The following ATP6V0A1 variants were observed in gnomAD, a reference collection of about 807,000 sequenced individuals.
ATP6V0A1 encodes the protein V-type proton ATPase 116 kDa subunit a 1.
Under a neutral mutation model 105.4 loss-of-function variants are expected in ATP6V0A1, and 43 were observed. That is an observed-to-expected ratio of 0.41 (90% CI 0.32 to 0.53). ATP6V0A1 has a LOEUF of 0.53. Ranked by LOEUF, ATP6V0A1 falls within the 20% of genes least tolerant of loss-of-function variation. The pLI, the probability that ATP6V0A1 is intolerant of heterozygous loss-of-function variation, is 0.30. For synonymous variants in ATP6V0A1, 362 were observed against 372.8 expected, an observed-to-expected ratio of 0.97 and a Z score of 0.33; for missense variants, 676 against 1,051.1, an observed-to-expected ratio of 0.64 and a Z score of 4.93.
At chr17:42,511,801 C>T (rs2092358764) in intron 19 of ATP6V0A1, among the ~76,000 whole-genome samples, 1 of 151,886 alleles carries the variant, frequency 6.6e-6, no homozygotes, top group African/African-American at 2.4e-5. Context: ...GAAATCCCAT[C>T]TTTACTAAAA....
intron 9 of ATP6V0A1, among the ~76,000 whole-genome samples, chr17:42,485,444 C>T (rs148028296): frequency 1.2e-4 from 18 of 152,238 alleles, no homozygotes; most frequent in African/African-American, 3.9e-4. Context: ...GATTGAATAC[C>T]AAGGAATGGG....
In ATP6V0A1 at chr17:42,508,574, T is replaced by C; in HGVS notation, c.2115T>C (p.Pro705=). The C allele has an allele frequency of 6.2e-7, 1 of 1,614,020 alleles. No homozygotes were observed. Among genetic ancestry groups the C allele is most frequent in the South Asian group, 1.1e-5 (1 of 91,084 alleles). Residue 705 remains proline (P), a splice_region_variant and synonymous_variant, in exon 19 of 22, where the codon CCT becomes CCC. Coordinates refer to ENST00000343619, the MANE Select transcript of ATP6V0A1 (RefSeq NM_001130021.3). Reference sequence around the variant, plus strand: ...AAGTGTAAATTTGTGTTTTCAAGCCTTCCGAGGACGAAGTGGTAAGATGAA... The same window carrying C: ...AAGTGTAAATTTGTGTTTTCAAGCCCTCCGAGGACGAAGTGGTAAGATGAA... The part of the protein sequence containing the change: ...LSTHSEDADE[P]SEDEVFDFGD...
chr17:42,490,584 T>C lies in ATP6V0A1; in HGVS notation c.1121T>C (p.Phe374Ser). The C allele has an allele frequency of 6.2e-7, 1 of 1,613,542 alleles. No individual in the cohort carries two copies. Among genetic ancestry groups the C allele is most frequent in the Non-Finnish European group, 8.5e-7 (1 of 1,179,804 alleles). The change falls in exon 11 of 22, where the codon TTT becomes TCT. Residue 374 changes from phenylalanine to serine, a missense_variant. Coordinates refer to ENST00000343619, the MANE Select transcript of ATP6V0A1 (RefSeq NM_001130021.3). ...YNKTNKFTYGFQNIVDAYGIG... is the reference protein window; with the variant it reads ...YNKTNKFTYGSQNIVDAYGIG... ...AAAACCAACAAGTTTACCTATGGCTTTCAGAACATAGTAGATGCTTATGGA... is the reference window on the plus strand; with the variant it reads ...AAAACCAACAAGTTTACCTATGGCTCTCAGAACATAGTAGATGCTTATGGA...
chr17:42,489,455 G>C (rs2090429051), intron 10 of ATP6V0A1, among the ~76,000 whole-genome samples: 1 of 151,930 alleles, frequency 6.6e-6, no homozygotes, highest in Non-Finnish European at 1.5e-5. Context: ...CTGTAGGTAG[G>C]GGTTCAGTTA....
chr17:42,514,228 T>C, intron 20 of ATP6V0A1, 61 bp from the exon 21 acceptor site: 1 of 1,527,992 alleles, frequency 6.5e-7, no homozygotes, highest in Non-Finnish European at 8.8e-7. Context: ...CAGAGCAAAA[T>C]TCATGGCCTA....
At chr17:42,517,842 G>T (rs1278809024) in intron 21 of ATP6V0A1, 1 of 152,268 alleles carries the variant, frequency 6.6e-6, no homozygotes, top group Admixed American at 6.5e-5. Flanking sequence ...GCTGTTTCCT[G>T]ATTCAAGGGC....
At chr17:42,515,116 G>A (rs927619418) in intron 21 of ATP6V0A1, among the ~76,000 whole-genome samples, 4 of 152,120 alleles carry the variant, frequency 2.6e-5, no homozygotes, top group African/African-American at 4.8e-5. Context: ...CTGGGAGAGC[G>A]GGGGTGTGGT....
chr17:42,506,172 A>C (rs1221413871), intron 17 of ATP6V0A1, among the ~76,000 whole-genome samples: 1 of 152,220 alleles, frequency 6.6e-6, no homozygotes, highest in Admixed American at 6.5e-5. Context: ...TCATGCATTT[A>C]AAATTTTGAT....
chr17:42,494,268 G>A, intron 11 of ATP6V0A1, 66 bp from the exon 12 acceptor site: 2 of 1,458,402 alleles, frequency 1.4e-6, no homozygotes, highest in Non-Finnish European at 1.9e-6. Flanking sequence ...GGAAAAGAAT[G>A]TAATATTTGT....
chr17:42,486,756 A>C (rs2090151818), intron 9 of ATP6V0A1, among the ~76,000 whole-genome samples: 4 of 152,162 alleles, frequency 2.6e-5, no homozygotes. Flanking sequence ...CCATGTGCAA[A>C]GGATTCTGTG....
chr17:42,509,918 C>T (rs900488003), intron 19 of ATP6V0A1: 3 of 151,644 alleles, frequency 2.0e-5, no homozygotes, highest in Admixed American at 6.6e-5. Flanking sequence ...CATATACAGT[C>T]TGGTTCTCTG....
intron 7 of ATP6V0A1, 150 bp from the exon 8 acceptor site, chr17:42,480,517 A>T (rs1324850829): frequency 5.0e-6 from 3 of 602,420 alleles, no homozygotes; most frequent in Non-Finnish European, 5.6e-6. Flanking sequence ...GAAGCTTAGG[A>T]AATGGAGTGA....
rs368531818 is a variant in ATP6V0A1, at chr17:42,514,416, C to G, written c.2376C>G (p.Ile792Met). 1 of 1,612,662 alleles carries G rather than the reference C, an allele frequency of 6.2e-7. No homozygotes were observed. Among genetic ancestry groups the G allele is most frequent in the Non-Finnish European group, 8.5e-7 (1 of 1,179,408 alleles). Residue 792 changes from isoleucine to methionine, a missense_variant, in exon 21 of 22, where the codon ATC becomes ATG. Around this residue, in one of 3 missense-constraint regions of ATP6V0A1, gnomAD observed 435 missense variants for 642.2 expected, o/e 0.68. Coordinates refer to ENST00000343619, the MANE Select transcript of ATP6V0A1 (RefSeq NM_001130021.3). ...FATLTVAILL[I>M]MEGLSAFLHA... is the part of the protein sequence containing the mutation. ...CCCTGACCGTGGCCATCCTCCTGAT[C>G]ATGGAGGGCCTCTCGGCCTTTCTCC...
intron 9 of ATP6V0A1, among the ~76,000 whole-genome samples, chr17:42,484,122 A>G (rs750981256): frequency 9.2e-5 from 14 of 151,906 alleles, no homozygotes; most frequent in Non-Finnish European, 2.1e-4. Context: ...CAGTGGCGCG[A>G]TCTCGGCTCA....
chr17:42,484,250 G>A (rs1406283443), intron 9 of ATP6V0A1, among the ~76,000 whole-genome samples: 1 of 151,580 alleles, frequency 6.6e-6, no homozygotes, highest in Non-Finnish European at 1.5e-5. Flanking sequence ...GTAGAGACAG[G>A]GTTTCACCGT....
chr17:42,479,138 G>A (rs1388514683), intron 7 of ATP6V0A1: 1 of 152,230 alleles, frequency 6.6e-6, no homozygotes, highest in African/African-American at 2.4e-5. Flanking sequence ...TTGAACTTCT[G>A]ATCTCAAGTG....
chr17:42,511,155 A>G (rs2092327182), intron 19 of ATP6V0A1: 1 of 152,264 alleles, frequency 6.6e-6, no homozygotes, highest in African/African-American at 2.4e-5. Context: ...AGTCACTCCT[A>G]GGGGCGACCC....
intron 9 of ATP6V0A1, among the ~76,000 whole-genome samples, chr17:42,485,644 G>A (rs2090035483): frequency 6.6e-6 from 1 of 152,056 alleles, no homozygotes; most frequent in African/African-American, 2.4e-5. Context: ...AGCCTTGACC[G>A]ACTAGGCTCA....
Position 42,494,325 on chromosome 17 carries a change from T to G in ATP6V0A1, c.1175-9T>G. 1 of 1,604,128 alleles carries G rather than the reference T, an allele frequency of 6.2e-7. No individual in the cohort carries two copies. Among genetic ancestry groups the G allele is most frequent in the South Asian group, 1.1e-5 (1 of 89,470 alleles). On this transcript the variant is annotated splice_polypyrimidine_tract_variant and intron_variant, in intron 11 of 21. Transcript: ENST00000343619. The stretch of plus-strand genomic sequence containing the variant: ...ACTTTGTATTTTTCTTTTTTTGGTT[T>G]CTTCATAGCTCCGTATACTATTATC...
Sources: gnomAD v4.1 joint callset for allele counts (sites outside exome capture counted in the v4.1 genomes callset) on GRCh38, gnomAD v4.1.1 for gene constraint, gnomAD v4.1.1 regional missense constraint, MANE v1.5 for transcripts, NCBI Gene and HGNC (gene_info 2026-07-23, HGNC 2026-07-21) for gene names.